Variants in EPHA10 observed in about 807,000 individuals in gnomAD.
EPHA10 encodes the protein EPH receptor A10, also known as ephrin type-A receptor 10.
In EPHA10, 120 loss-of-function variants were observed where a neutral mutation model predicts 109.7. That is an observed-to-expected ratio of 1.09 (90% CI 0.94 to 1.27). The LOEUF is 1.27. EPHA10 is among the 50% of genes most tolerant of loss of function. The pLI, the probability that EPHA10 is intolerant of heterozygous loss-of-function variation, is 0.00. For missense variants in EPHA10, 1,396 were observed against 1,411.1 expected (o/e 0.99, Z 0.17); for synonymous variants, 640 against 618.9 (o/e 1.03, Z -0.51).
At chr1:37,760,338 C>T (rs912301253) in intron 3 of EPHA10, 151 of 1,048,754 alleles carry the variant, frequency 1.4e-4, no homozygotes, top group Admixed American at 1.7e-4. Context: ...TCATCACCCT[C>T]TGTATCCAAA....
intron 5 of EPHA10, among the ~76,000 whole-genome samples, chr1:37,750,897 A>C (rs1022429386): frequency 1.3e-5 from 2 of 152,112 alleles, no homozygotes; most frequent in African/African-American, 4.8e-5. Flanking sequence ...CAAAAGGTTT[A>C]CTCAATCAAA....
intron 5 of EPHA10, among the ~76,000 whole-genome samples, chr1:37,743,968 A>G (rs1646193256): frequency 6.6e-6 from 1 of 152,204 alleles, no homozygotes; most frequent in East Asian, 1.9e-4. Flanking sequence ...TAAAGTAGCC[A>G]TGAAATAGTT....
At position 37,718,765 on chromosome 1, in the gene EPHA10, G is replaced by C; in HGVS notation, c.2808C>G (p.Gly936=). 1 of 1,613,150 alleles carries C rather than the reference G, an allele frequency of 6.2e-7. No homozygotes were observed. Among genetic ancestry groups the C allele is most frequent in the South Asian group, 1.1e-5 (1 of 91,064 alleles). Residue 936 remains glycine (G), a synonymous_variant, in exon 16 of 17, where the codon GGC becomes GGG. Coordinates refer to ENST00000373048, the MANE Select transcript of EPHA10 (RefSeq NM_001099439.2). ...DRAFSTFPSF[G]SVGAWLEALD... ...GGGCCTCCAGCCACGCGCCCACAGA[G>C]CCAAAGGAGGGGAAGGTGGAGAAGG...
Position 37,718,674 on chromosome 1 carries a change from C to A in EPHA10, c.2899G>T (p.Glu967Ter). Residue 967 changes from glutamate (E) to a stop codon, truncating the protein, a stop_gained, in exon 16 of 17, where the codon GAG becomes TAG. Coordinates refer to ENST00000373048, the MANE Select transcript of EPHA10 (RefSeq NM_001099439.2). LOFTEE classifies it high-confidence loss of function. The part of the protein sequence containing the change: ...AGYGSLEAVA[E>*]MTAQDLVSLG... ...CCTTGGACTCACTGGGCAGTCATCT[C>A]GGCCACGGCCTCCAGGCTCCCATAG... The A allele has an allele frequency of 6.2e-7, 1 of 1,613,204 alleles. No homozygotes were observed.
At chr1:37,715,217 A>C (rs183113087), downstream of EPHA10, among the ~76,000 whole-genome samples, 2 of 152,042 alleles carry the variant, frequency 1.3e-5, no homozygotes, top group African/African-American at 2.4e-5. Flanking sequence ...TTTAGTAGAG[A>C]TGGGGTTTCA....
In EPHA10 at chr1:37,732,812, C is replaced by G. The variant is rs190372980; in HGVS notation, c.1492-1230G>C. Among the ~76,000 whole-genome samples the G allele has an allele frequency of 5.9e-3, 853 of 145,722 alleles. 8 individuals carry two copies. The highest frequency in any genetic ancestry group is 0.021 in the African/African-American group (802 of 38,998). On this transcript the variant is annotated intron_variant, in intron 6 of 16. Coordinates refer to ENST00000373048, the MANE Select transcript of EPHA10 (RefSeq NM_001099439.2). ...CCCAGCAAGGCTTCTACTCAGCAGG[C>G]TCCATGAGAGTACACTGAAGCCTTT...
At chr1:37,722,869 G>T in intron 10 of EPHA10, 172 bp downstream of exon 10, 1 of 952,838 alleles carries the variant, frequency 1.0e-6, no homozygotes, top group Non-Finnish European at 1.6e-6. Context: ...AGGCAAGCCA[G>T]GGACTTTCTG....
downstream of EPHA10, among the ~76,000 whole-genome samples, chr1:37,714,563 G>A (rs971501479): frequency 1.5e-4 from 23 of 152,144 alleles, no homozygotes; most frequent in Non-Finnish European, 2.6e-4. Flanking sequence ...TGTGCCCCCC[G>A]CCAGGCCTCT....
chr1:37,761,586 G>A lies in EPHA10; in HGVS notation c.669C>T (p.Ala223=). Residue 223 remains alanine (A), a synonymous_variant, in exon 3 of 17, where the codon GCC becomes GCT. Coordinates refer to ENST00000373048, the MANE Select transcript of EPHA10 (RefSeq NM_001099439.2). ...ATVRGLATFP[A]TAAESAFSTL... is the part of the protein sequence containing the mutation. ...TGGAGAAGGCGCTCTCGGCTGCGGT[G>A]GCTGGGAACGTGGCCAGGCCCCGCA... 1.3e-6 allele frequency: 2 copies of A among 1,599,594 alleles called. No individual in the cohort carries two copies. Among genetic ancestry groups the A allele is most frequent in the Non-Finnish European group, 1.7e-6 (2 of 1,177,362 alleles).
At position 37,754,311 on chromosome 1, in the gene EPHA10, C is replaced by A. The variant is rs201089676; in HGVS notation, c.910G>T (p.Glu304Ter). ...PRRPLCSPCP[E>*]HSRALENAST... ...GCGTTTTCCAGGGCCCGGCTGTGCTCTGGGCACGGTGAGCAGAGGGGCCGC... is the reference window on the plus strand; with the variant it reads ...GCGTTTTCCAGGGCCCGGCTGTGCTATGGGCACGGTGAGCAGAGGGGCCGC... Residue 304 changes from glutamate (E) to a stop codon, truncating the protein, a stop_gained, in exon 4 of 17, where the codon GAG (glutamate) becomes TAG (stop). Transcript: ENST00000373048. LOFTEE classifies it high-confidence loss of function. The surrounding 1 kb of genome is among the most constrained non-coding windows in gnomAD (Gnocchi z 4.5). 7.6e-7 allele frequency: 1 copy of A among 1,322,310 alleles called. No homozygotes were observed. The highest frequency in any genetic ancestry group is 3.1e-5 in the East Asian group (1 of 32,608). 81.9% of individuals were successfully genotyped at this position (1,322,310 alleles called of 1,614,324 possible).
chr1:37,720,442 C>T lies in EPHA10; in HGVS notation c.2321G>A (p.Arg774His), dbSNP rs201212979. Residue 774 changes from arginine to histidine, a missense_variant, in exon 13 of 17, where the codon CGC (arginine) becomes CAC (histidine). By Grantham distance (29) the Arg-to-His change is conservative. Transcript: ENST00000373048. ...MGYVHRGLAA[R>H]HVLVSSDLVC... ...AAGGTCGCTGCTGACCAGCACATGG[C>T]GAGCTGCCAGGCCCCGGTGAACGTA... The T allele has an allele frequency of 1.5e-5, 25 of 1,613,568 alleles. No individual in the cohort carries two copies. The highest frequency in any genetic ancestry group is 5.5e-5 in the South Asian group (5 of 91,052).
intron 5 of EPHA10, among the ~76,000 whole-genome samples, chr1:37,739,150 T>C (rs1484119470): frequency 4.6e-5 from 7 of 150,730 alleles, no homozygotes; most frequent in Non-Finnish European, 1.0e-4. Context: ...TAAAGTATAA[T>C]AATAAAAAAG....
intron 15 of EPHA10, chr1:37,719,104 G>T: frequency 1.7e-6 from 1 of 591,276 alleles, no homozygotes; most frequent in South Asian, 2.1e-5. Flanking sequence ...TGGGAACAAC[G>T]AATATTAATT....
Position 37,717,032 on chromosome 1 carries a change from C to CCCCCCCCCCACA in EPHA10, c.*1339_*1340insTGTGGGGGGGGG. 2 of 226,614 alleles carry CCCCCCCCCCACA rather than the reference C, an allele frequency of 8.8e-6. No homozygotes were observed. The highest frequency in any genetic ancestry group is 1.8e-5 in the Non-Finnish European group (2 of 114,028). 14.0% of individuals were successfully genotyped at this position (226,614 alleles called of 1,614,324 possible). A position where few individuals can be genotyped will look rare whatever the true frequency, so the allele number is the denominator to read the frequency against. ...CTTGTCTCCTCTTTCCCGCCCCATCCCACCCCACCAACACACAGCCAAGCA... is the reference window on the plus strand; with the variant it reads ...CTTGTCTCCTCTTTCCCGCCCCATCCCCCCCCCCCACACACCCCACCAACACACAGCCAAGCA... On this transcript the variant is annotated 3_prime_UTR_variant, in exon 17 of 17. Transcript: ENST00000373048.
At chr1:37,745,707 A>T (rs1338070282) in intron 5 of EPHA10, among the ~76,000 whole-genome samples, 1 of 152,136 alleles carries the variant, frequency 6.6e-6, no homozygotes, top group Non-Finnish European at 1.5e-5. Flanking sequence ...AATATTAGCC[A>T]GGCGTGGTGG....
chr1:37,761,102 A>AC, intron 3 of EPHA10: 2 of 1,185,084 alleles, frequency 1.7e-6, no homozygotes, highest in Admixed American at 3.9e-5. Context: ...AAAAAAAAAA[A>AC]AACAATGACT....
intron 5 of EPHA10, among the ~76,000 whole-genome samples, chr1:37,742,518 G>T (rs1377291765): frequency 1.3e-5 from 2 of 152,206 alleles, no homozygotes. Context: ...GTAAGGATGT[G>T]ATGTCTGGAG....
rs1646437541 is a variant in EPHA10, at chr1:37,762,007, T to C, written c.248A>G (p.Asn83Ser). ...TYQVCNVLEP[N>S]QDNWLQTGWI... ...GCCAGTCTGCAGCCAGTTGTCCTGG[T>C]TGGGCTCCAGCACATTGCACACTTG... Residue 83 changes from asparagine (N) to serine (S), a missense_variant, in exon 3 of 17, where the codon AAC becomes AGC. Coordinates refer to ENST00000373048, the MANE Select transcript of EPHA10 (RefSeq NM_001099439.2). 3.1e-6 allele frequency: 5 copies of C among 1,614,090 alleles called. No individual in the cohort carries two copies. Among genetic ancestry groups the C allele is most frequent in the South Asian group, 1.1e-5 (1 of 91,066 alleles).
At chr1:37,755,252 G>A (rs1287081858) in intron 3 of EPHA10, among the ~76,000 whole-genome samples, 1 of 152,204 alleles carries the variant, frequency 6.6e-6, no homozygotes, top group Non-Finnish European at 1.5e-5. Context: ...CAGTGCTGGT[G>A]TGAGAAAGAG....
Sources: gnomAD v4.1 joint callset for allele counts (sites outside exome capture counted in the v4.1 genomes callset) on GRCh38, gnomAD v4.1.1 for gene constraint, Gnocchi (gnomAD v3.1) non-coding constraint, MANE v1.5 for transcripts, NCBI Gene and HGNC (gene_info 2026-07-23, HGNC 2026-07-21) for gene names.